The following EVX2 variants were observed in gnomAD, a reference collection of about 807,000 sequenced individuals.
EVX2 encodes the protein even-skipped homeobox 2.
In EVX2, 10 loss-of-function variants were observed where a neutral mutation model predicts 19.2. The observed-to-expected ratio is 0.52, with a 90% CI of 0.32 to 0.89. The LOEUF (loss-of-function observed/expected upper bound fraction) is 0.89, where lower values mean the gene tolerates loss of function less well. Ranked by LOEUF, EVX2 falls within the 40% of genes least tolerant of loss-of-function variation. The pLI is 0.03. For missense variants in EVX2, 710 were observed against 694.9 expected, an observed-to-expected ratio of 1.02 and a Z score of -0.24; for synonymous variants, 354 against 328.4, an observed-to-expected ratio of 1.08 and a Z score of -0.84.
rs1689095498 is a variant in EVX2, at chr2:176,079,270, T to G, written c.*837A>C. 2.0e-5 allele frequency: 3 copies of G among 152,284 alleles called. No homozygotes were observed. Among genetic ancestry groups the G allele is most frequent in the African/African-American group, 7.2e-5 (3 of 41,444 alleles). The allele number at this position is 152,284 out of a possible 1,614,324, so 9.4% of individuals were successfully genotyped here. On this transcript the variant is annotated 3_prime_UTR_variant, in exon 3 of 3. Coordinates refer to ENST00000308618, the MANE Select transcript of EVX2 (RefSeq NM_001080458.2). The surrounding 1 kb of genome is among the most constrained non-coding windows in gnomAD (Gnocchi z 4.4). ...TCCCTTCCCTGGCCGTGGCAACCTCTTTTGCCATCACTTTTTGCATAAAAT... is the reference window on the plus strand; with the variant it reads ...TCCCTTCCCTGGCCGTGGCAACCTCGTTTGCCATCACTTTTTGCATAAAAT...
At position 176,082,576 on chromosome 2, in the gene EVX2, A is replaced by C; in HGVS notation, c.428-127T>G. ...GCTGCCGGAATTGATGGGGTCTGTC[A>C]TGCTTACAAATTGCTGCCGTTAATG... On this transcript the variant is annotated intron_variant, in intron 1 of 2. Coordinates refer to ENST00000308618, the MANE Select transcript of EVX2 (RefSeq NM_001080458.2). The surrounding 1 kb of genome is among the most constrained non-coding windows in gnomAD (Gnocchi z 5.2). The C allele has an allele frequency of 9.5e-7, 1 of 1,053,118 alleles. No individual in the cohort carries two copies. Among genetic ancestry groups the C allele is most frequent in the Non-Finnish European group, 1.3e-6 (1 of 772,062 alleles). 65.2% of individuals were successfully genotyped at this position (1,053,118 alleles called of 1,614,324 possible). A position where few individuals can be genotyped will look rare whatever the true frequency, so the allele number is the denominator to read the frequency against.
chr2:176,079,473 AAAC>A lies in EVX2; in HGVS notation c.*631_*633del, dbSNP rs1689097471. 6.6e-6 allele frequency: 1 copy of A among 152,094 alleles called. No individual in the cohort carries two copies. 9.4% of individuals were successfully genotyped at this position (152,094 alleles called of 1,614,324 possible). A position where few individuals can be genotyped will look rare whatever the true frequency, so the allele number is the denominator to read the frequency against. ...TCCTGAACGTAGTAAACAATCTCACAAACAACCACCGCTGCCCACGCTCTCCAT... is the reference window on the plus strand; with the variant it reads ...TCCTGAACGTAGTAAACAATCTCACAAACCACCGCTGCCCACGCTCTCCAT... On this transcript the variant is annotated 3_prime_UTR_variant, in exon 3 of 3. Transcript: ENST00000308618. This position sits in a 1 kb window ranked among gnomAD's most constrained non-coding sequence, Gnocchi z 4.4.
rs1689161083 is a variant in EVX2 at position 176,082,393 on chromosome 2, G to A, written c.484C>T (p.Leu162Phe). The change falls in exon 2 of 3, where the codon CTC becomes TTC. Residue 162 changes from leucine (L) to phenylalanine (F), a missense_variant. Physicochemically the swap from Leu to Phe is conservative, Grantham distance 22. Transcript: ENST00000308618. The surrounding 1 kb of genome is among the most constrained non-coding windows in gnomAD (Gnocchi z 5.2). ...GTTTSASGSGLGSLHGGSGGS... is the reference protein window; with the variant it reads ...GTTTSASGSGFGSLHGGSGGS... ...CCGCTGCCTCCATGCAGGCTTCCGA[G>A]GCCTGAGCCCGACGCCGACGTCGTG... 2 of 1,594,454 alleles carry A rather than the reference G, an allele frequency of 1.3e-6. No homozygotes were observed. The highest frequency in any genetic ancestry group is 1.4e-5 in the African/African-American group (1 of 73,698).
In EVX2 at chr2:176,081,854, A is replaced by G. The variant is rs1016028763; in HGVS notation, c.699+324T>C. Among the ~76,000 whole-genome samples the G allele has an allele frequency of 7.2e-5, 11 of 152,310 alleles. No homozygotes were observed. Among genetic ancestry groups the G allele is most frequent in the African/African-American group, 2.6e-4 (11 of 41,572 alleles). On this transcript the variant is annotated intron_variant, in intron 2 of 2. Transcript: ENST00000308618. This position sits in a 1 kb window ranked among gnomAD's most constrained non-coding sequence, Gnocchi z 5.9. ...GGTTCCTGCTTGAGGAACAAAGACCAACTGGGCTTGCCGCCTAGGGGAAAG... is the reference window on the plus strand; with the variant it reads ...GGTTCCTGCTTGAGGAACAAAGACCGACTGGGCTTGCCGCCTAGGGGAAAG...
In EVX2 at chr2:176,082,189, T is replaced by C; in HGVS notation, c.688A>G (p.Thr230Ala). ...ACTGGAATTGATACCTTGATGGTGG[T>C]TTCGGGCAGGTTGAGTGCCGCGGCC... ...ELAAALNLPETTIKVWFQNRR... is the reference protein window; with the variant it reads ...ELAAALNLPEATIKVWFQNRR... The change falls in exon 2 of 3, where the codon ACC becomes GCC. Residue 230 changes from threonine to alanine, a missense_variant. By Grantham distance (58) the Thr-to-Ala change is moderately conservative. Transcript: ENST00000308618. The surrounding 1 kb of genome is among the most constrained non-coding windows in gnomAD (Gnocchi z 5.2). 5 of 1,588,496 alleles carry C rather than the reference T, an allele frequency of 3.1e-6. No individual in the cohort carries two copies. Among genetic ancestry groups the C allele is most frequent in the Non-Finnish European group, 4.3e-6 (5 of 1,168,238 alleles).
Position 176,080,442 on chromosome 2 carries a change from C to G in EVX2, c.1096G>C (p.Ala366Pro). ...AASAAAAAAA[A>P]AAAASSAAAA... is the part of the protein sequence containing the mutation. ...GCCGCCGAGGAGGCCGCAGCCGCTG[C>G]GGCTGCCGCGGCTGCCGCGGCAGAG... Residue 366 changes from alanine to proline, a missense_variant, in exon 3 of 3, where the codon GCA (alanine) becomes CCA (proline). Transcript: ENST00000308618. The surrounding 1 kb of genome is among the most constrained non-coding windows in gnomAD (Gnocchi z 7.0). The G allele has an allele frequency of 8.7e-7, 1 of 1,143,744 alleles. No individual in the cohort carries two copies. Among genetic ancestry groups the G allele is most frequent in the South Asian group, 4.1e-5 (1 of 24,622 alleles). The allele number at this position is 1,143,744 out of a possible 1,614,324, so 70.8% of individuals were successfully genotyped here. A position where few individuals can be genotyped will look rare whatever the true frequency, so the allele number is the denominator to read the frequency against.
rs1369180340 is a variant in EVX2, at chr2:176,081,261, C to T, written c.700-423G>A. On this transcript the variant is annotated intron_variant, in intron 2 of 2. Coordinates refer to ENST00000308618, the MANE Select transcript of EVX2 (RefSeq NM_001080458.2). This position sits in a 1 kb window ranked among gnomAD's most constrained non-coding sequence, Gnocchi z 5.9. ...CTGCCGCTCAGCTTTTCTGAGAGGT[C>T]GCCGCGCGAAGTCTTGAGCCCTCCG... is the stretch of plus-strand genomic sequence containing the variant. Among the ~76,000 whole-genome samples the T allele has an allele frequency of 6.6e-6, 1 of 152,140 alleles. No homozygotes were observed. The highest frequency in any genetic ancestry group is 1.9e-4 in the East Asian group (1 of 5,178).
chr2:176,082,115 A>C lies in EVX2; in HGVS notation c.699+63T>G, dbSNP rs1054730961. The C allele has an allele frequency of 1.7e-4, 242 of 1,459,318 alleles. No individual in the cohort carries two copies. The Middle Eastern group carries it at 2.9e-3, about 18-fold the overall frequency. 90.4% of individuals were successfully genotyped at this position (1,459,318 alleles called of 1,614,324 possible). ...GCCACCCAGAAAGGGGAAAGGGGAA[A>C]AAGAAACAATCAACCCAGATGCCCC... is the stretch of plus-strand genomic sequence containing the variant. On this transcript the variant is annotated intron_variant, in intron 2 of 2. Transcript: ENST00000308618. This position sits in a 1 kb window ranked among gnomAD's most constrained non-coding sequence, Gnocchi z 5.2.
rs1251623195 is a variant in EVX2 at position 176,080,260 on chromosome 2, G to C, written c.1278C>G (p.Gly426=). ...GGGGGGGGGG[G]GGAGAGGGSD... Reference sequence around the variant, plus strand: ...AGCCTCCCCCGGCCCCGGCGCCCCCGCCGCCGCCGCCACCACCACCACCGC... The same window carrying C: ...AGCCTCCCCCGGCCCCGGCGCCCCCCCCGCCGCCGCCACCACCACCACCGC... Residue 426 remains glycine, a synonymous_variant, in exon 3 of 3, where the codon GGC becomes GGG. Coordinates refer to ENST00000308618, the MANE Select transcript of EVX2 (RefSeq NM_001080458.2). The surrounding 1 kb of genome is among the most constrained non-coding windows in gnomAD (Gnocchi z 7.0). 1.3e-5 allele frequency: 16 copies of C among 1,276,812 alleles called. No homozygotes were observed. Among genetic ancestry groups the C allele is most frequent in the South Asian group, 9.0e-5 (4 of 44,652 alleles). 79.1% of individuals were successfully genotyped at this position (1,276,812 alleles called of 1,614,324 possible). A position where few individuals can be genotyped will look rare whatever the true frequency, so the allele number is the denominator to read the frequency against.
At position 176,078,820 on chromosome 2, in the gene EVX2, A is replaced by T. The variant is rs891226915; in HGVS notation, c.*1287T>A. On this transcript the variant is annotated 3_prime_UTR_variant, in exon 3 of 3. Coordinates refer to ENST00000308618, the MANE Select transcript of EVX2 (RefSeq NM_001080458.2). ...AGGTCCATCAGAGAGCATGATTGGC[A>T]ATTTTCGTCATAATCTGCACATTAT... 2 of 152,194 alleles carry T rather than the reference A, an allele frequency of 1.3e-5. No homozygotes were observed. The highest frequency in any genetic ancestry group is 4.8e-5 in the African/African-American group (2 of 41,444). 9.4% of individuals were successfully genotyped at this position (152,194 alleles called of 1,614,324 possible).
In EVX2 at chr2:176,083,216, C is replaced by T. The variant is rs375369815; in HGVS notation, c.427+134G>A. On this transcript the variant is annotated intron_variant, in intron 1 of 2. Transcript: ENST00000308618. The surrounding 1 kb of genome is among the most constrained non-coding windows in gnomAD (Gnocchi z 4.4). Reference sequence around the variant, plus strand: ...CACGGTCCCAGACATGCGTCCCGCCCCCGCCCGTGCTAGCTCGGTGTAGCT... The same window carrying T: ...CACGGTCCCAGACATGCGTCCCGCCTCCGCCCGTGCTAGCTCGGTGTAGCT... 2.1e-6 allele frequency: 2 copies of T among 942,934 alleles called. No individual in the cohort carries two copies. The highest frequency in any genetic ancestry group is 1.7e-5 in the African/African-American group (1 of 60,088). 58.4% of individuals were successfully genotyped at this position (942,934 alleles called of 1,614,324 possible).
rs1689082047 is a variant in EVX2, at chr2:176,078,269, G to C, written c.*1838C>G. 1 of 136,848 alleles carries C rather than the reference G, an allele frequency of 7.3e-6. No individual in the cohort carries two copies. The highest frequency in any genetic ancestry group is 2.5e-4 in the South Asian group (1 of 3,954). The allele number at this position is 136,848 out of a possible 1,614,324, so 8.5% of individuals were successfully genotyped here. A position where few individuals can be genotyped will look rare whatever the true frequency, so the allele number is the denominator to read the frequency against. ...GTGTATCTCTTACATATGTATTTAA[G>C]AGCACGGATATATATATGCATATAC... On this transcript the variant is annotated 3_prime_UTR_variant, in exon 3 of 3. Transcript: ENST00000308618.
Position 176,082,504 on chromosome 2 carries a change from G to C in EVX2, c.428-55C>G, listed in dbSNP as rs1402500010. 6.7e-7 allele frequency: 1 copy of C among 1,487,318 alleles called. No homozygotes were observed. The highest frequency in any genetic ancestry group is 8.9e-7 in the Non-Finnish European group (1 of 1,121,914). The allele number at this position is 1,487,318 out of a possible 1,614,324, so 92.1% of individuals were successfully genotyped here. ...GTGGCTGTAGGACCAACAGCCCGGCGCTGGCGCTGCGCGCGGATCGGGGAA... is the reference window on the plus strand; with the variant it reads ...GTGGCTGTAGGACCAACAGCCCGGCCCTGGCGCTGCGCGCGGATCGGGGAA... On this transcript the variant is annotated intron_variant, in intron 1 of 2. Transcript: ENST00000308618. The surrounding 1 kb of genome is among the most constrained non-coding windows in gnomAD (Gnocchi z 5.2).
In EVX2 at chr2:176,080,555, G is replaced by C; in HGVS notation, c.983C>G (p.Pro328Arg). The change falls in exon 3 of 3, where the codon CCC becomes CGC. Residue 328 changes from proline to arginine, a missense_variant. Transcript: ENST00000308618. This position sits in a 1 kb window ranked among gnomAD's most constrained non-coding sequence, Gnocchi z 7.0. ...PLDTFRALSH[P>R]YSRPELLCSF... ...ACACAGCAGCTCCGGCCGAGAGTAG[G>C]GGTGCGAGAGGGCGCGGAAGGTGTC... 2 of 1,524,900 alleles carry C rather than the reference G, an allele frequency of 1.3e-6. No individual in the cohort carries two copies. Among genetic ancestry groups the C allele is most frequent in the Non-Finnish European group, 1.7e-6 (2 of 1,151,468 alleles). The allele number at this position is 1,524,900 out of a possible 1,614,324, so 94.5% of individuals were successfully genotyped here.
chr2:176,080,287 G>A lies in EVX2; in HGVS notation c.1251C>T (p.Gly417=), dbSNP rs1689118267. 7.9e-7 allele frequency: 1 copy of A among 1,259,188 alleles called. No individual in the cohort carries two copies. The highest frequency in any genetic ancestry group is 1.0e-6 in the Non-Finnish European group (1 of 990,226). 78.0% of individuals were successfully genotyped at this position (1,259,188 alleles called of 1,614,324 possible). ...AALGSRGGGG[G]GGGGGGGGGG... is the part of the protein sequence containing the mutation. ...CGCCGCCGCCACCACCACCACCGCCGCCGCCACCGCCACCCCGGGAACCCA... is the reference window on the plus strand; with the variant it reads ...CGCCGCCGCCACCACCACCACCGCCACCGCCACCGCCACCCCGGGAACCCA... Residue 417 remains glycine, a synonymous_variant, in exon 3 of 3, where the codon GGC becomes GGT. Coordinates refer to ENST00000308618, the MANE Select transcript of EVX2 (RefSeq NM_001080458.2). This position sits in a 1 kb window ranked among gnomAD's most constrained non-coding sequence, Gnocchi z 7.0.
chr2:176,080,370 G>A lies in EVX2; in HGVS notation c.1168C>T (p.Leu390Phe), dbSNP rs1160834658. 1.6e-6 allele frequency: 2 copies of A among 1,226,102 alleles called. No homozygotes were observed. Among genetic ancestry groups the A allele is most frequent in the African/African-American group, 3.2e-5 (2 of 62,142 alleles). 76.0% of individuals were successfully genotyped at this position (1,226,102 alleles called of 1,614,324 possible). ...GCCGACTGACTGCTGTGGCAACTGA[G>A]GCACGAGCAGGGTGCAGAGCCGCCG... ...PSGGSAPCSC[L>F]SCHSSQSAAA... The change falls in exon 3 of 3, where the codon CTC becomes TTC. Residue 390 changes from leucine (L) to phenylalanine (F), a missense_variant. Physicochemically the swap from Leu to Phe is conservative, Grantham distance 22. Transcript: ENST00000308618. The surrounding 1 kb of genome is among the most constrained non-coding windows in gnomAD (Gnocchi z 7.0).
Position 176,083,298 on chromosome 2 carries a change from G to A in EVX2, c.427+52C>T. ...ACCGGGAAAGGCTGGCGGGGGCCGC[G>A]GAGGAGCAAAGAGGATGGGACTGGA... On this transcript the variant is annotated intron_variant, in intron 1 of 2. Coordinates refer to ENST00000308618, the MANE Select transcript of EVX2 (RefSeq NM_001080458.2). This position sits in a 1 kb window ranked among gnomAD's most constrained non-coding sequence, Gnocchi z 4.4. The A allele has an allele frequency of 6.6e-7, 1 of 1,513,794 alleles. No homozygotes were observed. The highest frequency in any genetic ancestry group is 8.9e-7 in the Non-Finnish European group (1 of 1,123,376). The allele number at this position is 1,513,794 out of a possible 1,614,324, so 93.8% of individuals were successfully genotyped here. A position where few individuals can be genotyped will look rare whatever the true frequency, so the allele number is the denominator to read the frequency against.
chr2:176,082,353 C>G lies in EVX2; in HGVS notation c.524G>C (p.Ser175Thr), dbSNP rs893405809. ...LHGGSGGSGG[S>T]AALGGSGSGA... is the part of the protein sequence containing the mutation. The stretch of plus-strand genomic sequence containing the variant: ...AGAGCCGGAGCCACCCAGCGCCGCG[C>G]TCCCGCCGCTGCCTCCGCTGCCTCC... Residue 175 changes from serine to threonine, a missense_variant, in exon 2 of 3, where the codon AGC (serine) becomes ACC (threonine). Transcript: ENST00000308618. The surrounding 1 kb of genome is among the most constrained non-coding windows in gnomAD (Gnocchi z 5.2). 6.3e-7 allele frequency: 1 copy of G among 1,597,764 alleles called. No homozygotes were observed. Among genetic ancestry groups the G allele is most frequent in the African/African-American group, 1.3e-5 (1 of 74,678 alleles).
At position 176,078,181 on chromosome 2, in the gene EVX2, AG is replaced by A. The variant is rs1211250226; in HGVS notation, c.*1925del. 4 of 152,252 alleles carry A rather than the reference AG, an allele frequency of 2.6e-5. No individual in the cohort carries two copies. Among genetic ancestry groups the A allele is most frequent in the African/African-American group, 9.6e-5 (4 of 41,474 alleles). The allele number at this position is 152,252 out of a possible 1,614,324, so 9.4% of individuals were successfully genotyped here. On this transcript the variant is annotated 3_prime_UTR_variant, in exon 3 of 3. Coordinates refer to ENST00000308618, the MANE Select transcript of EVX2 (RefSeq NM_001080458.2). ...GTCTTTAAAATAACAATATGATGGCAGGACACAAATCTGAAATAAACCACAG... is the reference window on the plus strand; with the variant it reads ...GTCTTTAAAATAACAATATGATGGCAGACACAAATCTGAAATAAACCACAG...
Sources: allele counts gnomAD v4.1 joint callset (sites outside exome capture counted in the v4.1 genomes callset), GRCh38; gene constraint gnomAD v4.1.1; non-coding constraint Gnocchi (gnomAD v3.1); transcripts MANE v1.5; gene names NCBI Gene and HGNC (gene_info 2026-07-23, HGNC 2026-07-21).